The following PRR5 variants were observed in gnomAD, a reference collection of about 807,000 sequenced individuals.
PRR5 encodes the protein proline-rich protein 5.
Under a neutral mutation model 30.6 loss-of-function variants are expected in PRR5, and 25 were observed. The observed-to-expected ratio is 0.82, with a 90% CI of 0.60 to 1.14. PRR5 has a LOEUF of 1.14. Among genes scored for constraint, PRR5 ranks in the 50% most tolerant of loss-of-function variants. The probability of loss-of-function intolerance (pLI) is 0.00; values close to 1 mark genes in which losing one functional copy is unlikely to be tolerated. For missense variants in PRR5, 600 were observed against 547.1 expected, an observed-to-expected ratio of 1.10 and a Z score of -0.96; for synonymous variants, 286 against 247.1, an observed-to-expected ratio of 1.16 and a Z score of -1.48.
At chr22:44,715,461 G>C (rs929746731) in intron 2 of PRR5, among the ~76,000 whole-genome samples, 1 of 152,340 alleles carries the variant, frequency 6.6e-6, no homozygotes. Flanking sequence ...CCTCCACCCT[G>C]TGTGGCAAAG....
intron 1 of PRR5, among the ~76,000 whole-genome samples, chr22:44,670,032 G>T (rs1923333895): frequency 6.6e-6 from 1 of 152,208 alleles, no homozygotes; most frequent in Non-Finnish European, 1.5e-5. Context: ...TCCTGAGCTG[G>T]TAAGGGGGCA....
Position 44,737,367 on chromosome 22 carries a change from G to A in PRR5, c.*120G>A, listed in dbSNP as rs906770586. On this transcript the variant is annotated 3_prime_UTR_variant, in exon 8 of 8. Transcript: ENST00000336985. ...CCGTCCCGCCAGCCCTATCGGCCTC[G>A]TCACTGGCCTTGGTCACTTTGTATT... 34 of 1,428,956 alleles carry A rather than the reference G, an allele frequency of 2.4e-5. No homozygotes were observed. Among genetic ancestry groups the A allele is most frequent in the Admixed American group, 2.2e-4 (8 of 36,250 alleles). 88.5% of individuals were successfully genotyped at this position (1,428,956 alleles called of 1,614,324 possible).
chr22:44,737,263 C>T lies in PRR5; in HGVS notation c.*16C>T. On this transcript the variant is annotated 3_prime_UTR_variant, in exon 8 of 8. Coordinates refer to ENST00000336985, the MANE Select transcript of PRR5 (RefSeq NM_181333.4). ...TGTCGTGTGAGGCCTCACAGCTGGC[C>T]TTGAGTTTTTACTGACACGTCCCTG... The T allele has an allele frequency of 1.3e-6, 2 of 1,581,900 alleles. No homozygotes were observed. The highest frequency in any genetic ancestry group is 1.7e-6 in the Non-Finnish European group (2 of 1,159,902).
chr22:44,731,234 G>GCCGGATCACTAAAAAA, intron 4 of PRR5: 1 of 227,146 alleles, frequency 4.4e-6, no homozygotes, highest in South Asian at 6.1e-5. Context: ...GTACCTGTGT[G>GCCGGATCACTAAAAAA]GGTCTTACCT....
chr22:44,727,320 G>A (rs1306350053), intron 4 of PRR5, among the ~76,000 whole-genome samples: 2 of 152,110 alleles, frequency 1.3e-5, no homozygotes, highest in Admixed American at 6.5e-5. Context: ...TTGCAGGAGC[G>A]AGCTGCCCTG....
At chr22:44,673,024 C>G (rs1463832633), upstream of PRR5, among the ~76,000 whole-genome samples, 2 of 152,248 alleles carry the variant, frequency 1.3e-5, no homozygotes, top group East Asian at 3.8e-4. Context: ...GAGTCCTGCT[C>G]ATTTTCTGGA....
At chr22:44,707,544 C>T (rs1927423779) in intron 1 of PRR5, among the ~76,000 whole-genome samples, 1 of 152,234 alleles carries the variant, frequency 6.6e-6, no homozygotes, top group Non-Finnish European at 1.5e-5. Context: ...TGCATCTTGC[C>T]ATCCCCTTCT....
At position 44,726,560 on chromosome 22, in the gene PRR5, T is replaced by A; in HGVS notation, c.265-17T>A. On this transcript the variant is annotated splice_polypyrimidine_tract_variant and intron_variant, in intron 3 of 7. Transcript: ENST00000336985. ...CATCCACAAGGGCGGTGACAGCCCCTCTGTGTTTACCTTCAGAACCAGCTG... is the reference window on the plus strand; with the variant it reads ...CATCCACAAGGGCGGTGACAGCCCCACTGTGTTTACCTTCAGAACCAGCTG... 1 of 1,613,932 alleles carries A rather than the reference T, an allele frequency of 6.2e-7. No individual in the cohort carries two copies. The highest frequency in any genetic ancestry group is 8.5e-7 in the Non-Finnish European group (1 of 1,179,986).
rs1456092090 is a variant in PRR5, at chr22:44,726,505, G to A, written c.265-72G>A. Reference sequence around the variant, plus strand: ...GCTGCTCACTGGTGGATGGACTCTCGGGGGCCCTGCTGGCCAGGACACCCC... The same window carrying A: ...GCTGCTCACTGGTGGATGGACTCTCAGGGGCCCTGCTGGCCAGGACACCCC... On this transcript the variant is annotated intron_variant, in intron 3 of 7. Coordinates refer to ENST00000336985, the MANE Select transcript of PRR5 (RefSeq NM_181333.4). 14 of 1,607,568 alleles carry A rather than the reference G, an allele frequency of 8.7e-6. 1 individual carries two copies. Among genetic ancestry groups the A allele is most frequent in the East Asian group, 4.5e-5 (2 of 44,738 alleles).
rs770901548 is a variant in PRR5 at position 44,702,556 on chromosome 22, G to T, written c.82G>T (p.Asp28Tyr). 5 of 1,440,944 alleles carry T rather than the reference G, an allele frequency of 3.5e-6. No individual in the cohort carries two copies. The allele number at this position is 1,440,944 out of a possible 1,614,324, so 89.3% of individuals were successfully genotyped here. ...LGKREPAAAA[D>Y]ERGTQQRRAC... ...CAAGAGAGAGCCGGCCGCCGCCGCG[G>T]ACGAGCGGGGCACGCAGCAGCGCCG... The change falls in exon 1 of 8, where the codon GAC becomes TAC. Residue 28 changes from aspartate to tyrosine, a missense_variant. Physicochemically the swap from Asp to Tyr is radical, Grantham distance 160. Coordinates refer to ENST00000336985, the MANE Select transcript of PRR5 (RefSeq NM_181333.4).
At chr22:44,716,667 T>C (rs1265352143) in intron 2 of PRR5, among the ~76,000 whole-genome samples, 1 of 152,144 alleles carries the variant, frequency 6.6e-6, no homozygotes, top group African/African-American at 2.4e-5. Flanking sequence ...ACAGGGCTAA[T>C]AATGAATAGA....
intron 1 of PRR5, among the ~76,000 whole-genome samples, chr22:44,671,563 T>A (rs1462855381): frequency 2.6e-5 from 4 of 152,088 alleles, no homozygotes; most frequent in African/African-American, 9.6e-5. Context: ...AGGAGGAGCC[T>A]TCAGAAGCCA....
chr22:44,702,710 C>CTTCACAGTTTGCAAA (rs1253428057), intron 1 of PRR5, 102 bp downstream of exon 1: 5 of 1,219,248 alleles, frequency 4.1e-6, no homozygotes, highest in Non-Finnish European at 5.1e-6. Context: ...GGAACGCTGC[C>CTTCACAGTTTGCAAA]GAAGGCGGCG....
intron 1 of PRR5, among the ~76,000 whole-genome samples, chr22:44,690,533 G>A (rs971955286): frequency 1.3e-5 from 2 of 152,084 alleles, no homozygotes; most frequent in African/African-American, 2.4e-5. Context: ...CTGTGAATAC[G>A]TTTAGAGCCT....
intron 1 of PRR5, among the ~76,000 whole-genome samples, chr22:44,669,771 CATGAGG>C (rs1923316086): frequency 6.6e-6 from 1 of 152,008 alleles, no homozygotes; most frequent in Non-Finnish European, 1.5e-5. Flanking sequence ...GGACAGAGGC[CATGAGG>C]ACCGTGTGGG....
At chr22:44,725,685 G>A (rs954650488) in intron 3 of PRR5, among the ~76,000 whole-genome samples, 1 of 150,300 alleles carries the variant, frequency 6.7e-6, no homozygotes, top group African/African-American at 2.5e-5. Context: ...TTGTTGTTGA[G>A]ATGGAGTCTT....
At chr22:44,733,926 C>A (rs1023349122) in intron 6 of PRR5, among the ~76,000 whole-genome samples, 3 of 152,174 alleles carry the variant, frequency 2.0e-5, no homozygotes, top group Non-Finnish European at 4.4e-5. Flanking sequence ...ACAGCCATCC[C>A]AAGAGTCCTG....
At chr22:44,718,634 G>A (rs1260238985) in intron 2 of PRR5, among the ~76,000 whole-genome samples, 1 of 131,186 alleles carries the variant, frequency 7.6e-6, no homozygotes, top group African/African-American at 2.8e-5. Flanking sequence ...GTATAAGCAG[G>A]GCAGGAGAGT....
intron 2 of PRR5, among the ~76,000 whole-genome samples, chr22:44,719,248 T>A (rs376754952): frequency 2.9e-4 from 18 of 61,754 alleles, no homozygotes; most frequent in African/African-American, 1.1e-3. Context: ...CCTAGCTAAT[T>A]TTTTTTTTAT....
Sources: allele counts gnomAD v4.1 joint callset (sites outside exome capture counted in the v4.1 genomes callset), GRCh38; gene constraint gnomAD v4.1.1; transcripts MANE v1.5; gene names NCBI Gene and HGNC (gene_info 2026-07-23, HGNC 2026-07-21).